Variants in TRIM9 observed in about 807,000 individuals in gnomAD.
TRIM9 encodes tripartite motif containing 9, also known as E3 ubiquitin-protein ligase TRIM9.
Under a neutral mutation model 78.3 loss-of-function variants are expected in TRIM9, and 26 were observed. That is an observed-to-expected ratio of 0.33 (90% confidence interval 0.24 to 0.46). The LOEUF (loss-of-function observed/expected upper bound fraction) is 0.46, where lower values mean the gene tolerates loss of function less well. Among genes scored for constraint, TRIM9 ranks in the 20% least tolerant of loss-of-function variants. The pLI, the probability that TRIM9 is intolerant of heterozygous loss-of-function variation, is 1.00. For synonymous variants in TRIM9, 398 were observed against 416.5 expected (o/e 0.96, Z 0.54); for missense variants, 787 against 1,036.4 (o/e 0.76, Z 3.30).
intron 1 of TRIM9, among the ~76,000 whole-genome samples, chr14:51,043,703 A>T (rs920254466): frequency 6.6e-6 from 1 of 152,200 alleles, no homozygotes; most frequent in Non-Finnish European, 1.5e-5. Flanking sequence ...CTCACTAATT[A>T]TATGAATTCT....
intron 7 of TRIM9, chr14:50,997,573 C>T: frequency 1.0e-6 from 1 of 1,001,008 alleles, no homozygotes; most frequent in Non-Finnish European, 1.2e-6. Context: ...CCCCACCACC[C>T]ATTTGAAACA....
In TRIM9 at chr14:51,094,989, T is replaced by C. The variant is rs1024454371; in HGVS notation, c.-50A>G. On this transcript the variant is annotated 5_prime_UTR_variant, in exon 1 of 13. Transcript: ENST00000684578. ...CGACGGCTGCAGCGGGTGCCTGAGC[T>C]GGCGAGGTGGCCGACGGGCCCGTCT... 10 of 1,335,404 alleles carry C rather than the reference T, an allele frequency of 7.5e-6. No individual in the cohort carries two copies. The African/African-American group carries it at 1.3e-4, about 18-fold the overall frequency. 82.7% of individuals were successfully genotyped at this position (1,335,404 alleles called of 1,614,324 possible). A position where few individuals can be genotyped will look rare whatever the true frequency, so the allele number is the denominator to read the frequency against.
chr14:50,975,686 C>A lies in TRIM9; in HGVS notation c.*1605G>T, dbSNP rs143879883. On this transcript the variant is annotated 3_prime_UTR_variant, in exon 13 of 13. Transcript: ENST00000684578. ...GCCAAAACTTTAATTTGTTAGCTTT[C>A]CCATCCTATCTCTTCCCTTCTATTT... 149 of 152,738 alleles carry A rather than the reference C, an allele frequency of 9.8e-4. No homozygotes were observed. Among genetic ancestry groups the A allele is most frequent in the African/African-American group, 3.4e-3 (143 of 41,554 alleles). 9.5% of individuals were successfully genotyped at this position (152,738 alleles called of 1,614,324 possible). A position where few individuals can be genotyped will look rare whatever the true frequency, so the allele number is the denominator to read the frequency against.
intron 1 of TRIM9, 27 bp downstream of exon 1, chr14:51,094,091 T>A (rs373329873): frequency 6.3e-7 from 1 of 1,582,694 alleles, no homozygotes; most frequent in African/African-American, 1.3e-5. Flanking sequence ...ACGCAGGGAG[T>A]TAGGAGTGGG....
At chr14:51,089,672 G>A (rs2064125720) in intron 1 of TRIM9, among the ~76,000 whole-genome samples, 1 of 152,134 alleles carries the variant, frequency 6.6e-6, no homozygotes, top group Non-Finnish European at 1.5e-5. Flanking sequence ...ATAAATCTTT[G>A]TATAGTATTC....
rs1421109190 is a variant in TRIM9 at position 50,982,088 on chromosome 14, A to T, written c.1874T>A (p.Phe625Tyr). Reference sequence around the variant, plus strand: ...GTCCGAGTGCGCCGAGCCAGGGTCGAAAGCAAACCAGGCCACTGGGAACAA... The same window carrying T: ...GTCCGAGTGCGCCGAGCCAGGGTCGTAAGCAAACCAGGCCACTGGGAACAA... ...KKLLAVAWFA[F>Y]DPGSAHSDII... The change falls in exon 11 of 13, where the codon TTC becomes TAC. Residue 625 changes from phenylalanine (F) to tyrosine (Y), a missense_variant. Transcript: ENST00000684578. The T allele has an allele frequency of 6.2e-7, 1 of 1,613,926 alleles. No individual in the cohort carries two copies. The highest frequency in any genetic ancestry group is 1.7e-5 in the Admixed American group (1 of 60,018).
chr14:51,018,323 TTTCCTTCTTTCC>T (rs939008106), intron 3 of TRIM9, among the ~76,000 whole-genome samples: 15 of 151,922 alleles, frequency 9.9e-5, no homozygotes, highest in Non-Finnish European at 1.3e-4. Context: ...CCCTTTTTTC[TTTCCTTCTTTCC>T]TTCCTTCTTT....
At chr14:51,065,418 A>T (rs60113575) in intron 1 of TRIM9, among the ~76,000 whole-genome samples, 3,802 of 152,302 alleles carry the variant, frequency 0.025, 162 homozygotes, top group African/African-American at 0.088. Flanking sequence ...TGCTTAAGAG[A>T]GTCCAGGAAG....
intron 11 of TRIM9, 110 bp from the exon 12 acceptor site, chr14:50,979,659 C>T: frequency 1.1e-6 from 1 of 883,622 alleles, no homozygotes; most frequent in East Asian, 2.4e-5. Flanking sequence ...ATCATCACTA[C>T]CCCAAAACCG....
intron 2 of TRIM9, among the ~76,000 whole-genome samples, chr14:51,024,685 C>T (rs2058059522): frequency 1.3e-5 from 2 of 151,954 alleles, no homozygotes; most frequent in African/African-American, 4.8e-5. Context: ...TTATAGTTGC[C>T]AGGGGATCAT....
intron 1 of TRIM9, among the ~76,000 whole-genome samples, chr14:51,069,753 C>T (rs1596307042): frequency 6.6e-6 from 1 of 152,196 alleles, no homozygotes; most frequent in South Asian, 2.1e-4. Flanking sequence ...TAACTGACCC[C>T]ATATTCCTTG....
intron 6 of TRIM9, among the ~76,000 whole-genome samples, 195 bp from the exon 7 acceptor site, chr14:50,998,383 C>A (rs575300887): frequency 8.5e-5 from 13 of 152,160 alleles, no homozygotes; most frequent in Non-Finnish European, 1.5e-4. Flanking sequence ...ATAATAATAT[C>A]CACCTTATGA....
rs200506401 is a variant in TRIM9 at position 51,000,697 on chromosome 14, C to G, written c.1450G>C (p.Gly484Arg). 6.2e-7 allele frequency: 1 copy of G among 1,614,094 alleles called. No individual in the cohort carries two copies. The highest frequency in any genetic ancestry group is 1.1e-5 in the South Asian group (1 of 91,070). Residue 484 changes from glycine (G) to arginine (R), a missense_variant, in exon 6 of 13, where the codon GGT becomes CGT. Gly to Arg is a moderately radical substitution (Grantham distance 125). Transcript: ENST00000684578. ...TGTCTACTGACCCGGAATTGACCAC[C>G]GTTGCCATCATCCAGCTCCAGAATG... ...GYILELDDGN[G>R]GQFREVYVGK... is the part of the protein sequence containing the mutation.
intron 1 of TRIM9, among the ~76,000 whole-genome samples, chr14:51,037,860 C>T (rs550091838): frequency 2.6e-4 from 39 of 152,122 alleles, no homozygotes; most frequent in South Asian, 1.9e-3. Context: ...GGGTAAAAGC[C>T]GTTCTTGTTA....
At chr14:51,018,589 A>T (rs1029454560) in intron 3 of TRIM9, among the ~76,000 whole-genome samples, 2 of 152,210 alleles carry the variant, frequency 1.3e-5, no homozygotes, top group Non-Finnish European at 2.9e-5. Context: ...AAGAATGATA[A>T]TTATTCTAAC....
At position 51,094,022 on chromosome 14, in the gene TRIM9, C is replaced by A; in HGVS notation, c.822+96G>T. The A allele has an allele frequency of 2.3e-6, 3 of 1,298,946 alleles. No homozygotes were observed. The South Asian group carries it at 4.0e-5, about 17-fold the overall frequency. The allele number at this position is 1,298,946 out of a possible 1,614,324, so 80.5% of individuals were successfully genotyped here. ...CGAAGGCACCTGCATTGCGCCCCCA[C>A]TGGGATGCGCTGTGCGCAAGAGACG... is the stretch of plus-strand genomic sequence containing the variant. On this transcript the variant is annotated intron_variant, in intron 1 of 12. Transcript: ENST00000684578.
intron 1 of TRIM9, among the ~76,000 whole-genome samples, chr14:51,033,689 T>A (rs182749885): frequency 6.6e-6 from 1 of 152,298 alleles, no homozygotes; most frequent in East Asian, 1.9e-4. Context: ...TTCCTCTTTG[T>A]CACAAGAATC....
intron 1 of TRIM9, among the ~76,000 whole-genome samples, chr14:51,080,927 G>A (rs895957146): frequency 1.3e-5 from 2 of 152,180 alleles, no homozygotes; most frequent in African/African-American, 2.4e-5. Flanking sequence ...CAATCTAGAT[G>A]GACTTTATCC....
At chr14:50,986,355 C>G in intron 7 of TRIM9, 1 of 382,284 alleles carries the variant, frequency 2.6e-6, no homozygotes, top group Middle Eastern at 6.7e-4. Context: ...ACACCTCGAA[C>G]AACAAAGGCA....
Sources: allele counts gnomAD v4.1 joint callset (sites outside exome capture counted in the v4.1 genomes callset), GRCh38; gene constraint gnomAD v4.1.1; transcripts MANE v1.5; gene names NCBI Gene and HGNC (gene_info 2026-07-23, HGNC 2026-07-21).